Variants in VEZT observed in about 807,000 individuals in gnomAD.
VEZT encodes vezatin, adherens junctions transmembrane protein, also known as vezatin.
VEZT carries 39 observed loss-of-function variants against 79.9 expected under a neutral mutation model. The observed-to-expected ratio is 0.49, with a 90% CI of 0.38 to 0.64. The LOEUF (loss-of-function observed/expected upper bound fraction) is 0.64. Ranked by LOEUF, VEZT falls within the 30% of genes least tolerant of loss-of-function variation. The probability of loss-of-function intolerance (pLI) is 0.00; values close to 1 mark genes in which losing one functional copy is unlikely to be tolerated. For synonymous variants in VEZT, 325 were observed against 327.6 expected, an observed-to-expected ratio of 0.99 and a Z score of 0.09; for missense variants, 837 against 893.1, an observed-to-expected ratio of 0.94 and a Z score of 0.80.
chr12:95,240,175 G>A (rs547448958), intron 1 of VEZT, among the ~76,000 whole-genome samples: 161 of 152,216 alleles, frequency 1.1e-3, no homozygotes, highest in African/African-American at 3.9e-3. Flanking sequence ...GCTGGATTGT[G>A]GACCTGTAGT....
chr12:95,239,206 A>G (rs2060570486), intron 1 of VEZT, among the ~76,000 whole-genome samples: 1 of 152,228 alleles, frequency 6.6e-6, no homozygotes, highest in African/African-American at 2.4e-5. Context: ...TTAGTATAAA[A>G]GTAGCAAGGC....
At chr12:95,225,630 T>TA (rs2058323716) in intron 1 of VEZT, among the ~76,000 whole-genome samples, 1 of 151,980 alleles carries the variant, frequency 6.6e-6, no homozygotes, top group South Asian at 2.1e-4. Context: ...AACAAAGTGA[T>TA]ACCTTGGTAT....
intron 3 of VEZT, among the ~76,000 whole-genome samples, chr12:95,259,951 G>A (rs771958303): frequency 4.6e-5 from 7 of 152,010 alleles, no homozygotes; most frequent in African/African-American, 9.7e-5. Flanking sequence ...AATTTAAACC[G>A]TTATAATAAT....
At chr12:95,224,227 C>T (rs370074956) in intron 1 of VEZT, 16 of 455,950 alleles carry the variant, frequency 3.5e-5, no homozygotes, top group East Asian at 1.4e-4. Flanking sequence ...GAGGAAAGAG[C>T]GCCAGAGAGG....
chr12:95,261,306 A>T (rs2064442184), intron 3 of VEZT, among the ~76,000 whole-genome samples: 1 of 152,124 alleles, frequency 6.6e-6, no homozygotes, highest in African/African-American at 2.4e-5. Context: ...TAGACCTAAC[A>T]GGTTTTACTT....
chr12:95,286,084 C>A (rs893067393), intron 8 of VEZT, among the ~76,000 whole-genome samples: 2 of 148,918 alleles, frequency 1.3e-5, no homozygotes, highest in Admixed American at 1.4e-4. Flanking sequence ...CCTCTGCCTC[C>A]CACATTCAAG....
intron 10 of VEZT, 80 bp from the exon 11 acceptor site, chr12:95,295,971 T>C (rs2074055465): frequency 2.9e-6 from 3 of 1,044,206 alleles, no homozygotes; most frequent in South Asian, 3.6e-5. Context: ...ATCTCAGAGA[T>C]AAGTAAGTGC....
At chr12:95,288,633 A>G (rs549670440) in intron 9 of VEZT, among the ~76,000 whole-genome samples, 1 of 152,346 alleles carries the variant, frequency 6.6e-6, no homozygotes, top group Admixed American at 6.5e-5. Flanking sequence ...TAGATTTGTA[A>G]TAATTTCTTT....
intron 11 of VEZT, among the ~76,000 whole-genome samples, chr12:95,298,501 T>C (rs911720142): frequency 1.3e-5 from 2 of 152,222 alleles, no homozygotes; most frequent in South Asian, 4.1e-4. Context: ...ATTACAGTCT[T>C]CTTAAATAGG....
rs547144016 is a variant in VEZT at position 95,242,583 on chromosome 12, A to G, written c.37-9357A>G. ...CTACGTGTGGAGTGTTTTAAAATCT[A>G]ATAAAATGGGCCGGGCGTGGTGGCT... is the stretch of plus-strand genomic sequence containing the variant. On this transcript the variant is annotated intron_variant, in intron 1 of 11. Transcript: ENST00000436874. Among the ~76,000 whole-genome samples, 8 of 152,210 alleles carry G rather than the reference A, an allele frequency of 5.3e-5. No individual in the cohort carries two copies. In the South Asian group the frequency reaches 1.2e-3, roughly 24 times the overall value.
chr12:95,240,073 G>GAAGGAAGGAAGGAAGGAAGGAAGGAAAGA (rs1491323550), intron 1 of VEZT, among the ~76,000 whole-genome samples: 9 of 98,992 alleles, frequency 9.1e-5, no homozygotes, highest in East Asian at 2.7e-4. Flanking sequence ...AGGAAGGAAG[G>GAAGGAAGGAAGGAAGGAAGGAAGGAAAGA]AAGAAAAGAA....
intron 2 of VEZT, among the ~76,000 whole-genome samples, chr12:95,256,049 T>G (rs74238577): frequency 6.6e-6 from 1 of 151,966 alleles, no homozygotes; most frequent in East Asian, 1.9e-4. Flanking sequence ...TTGACTGAAG[T>G]GATCTTCTCT....
intron 4 of VEZT, 137 bp downstream of exon 4, chr12:95,263,218 G>A: frequency 1.2e-6 from 1 of 842,148 alleles, no homozygotes; most frequent in Non-Finnish European, 1.7e-6. Context: ...ACAATATGGG[G>A]GGAAAAAGTG....
Position 95,287,786 on chromosome 12 carries a change from C to G in VEZT, c.1451C>G (p.Ala484Gly), listed in dbSNP as rs2071371689. The stretch of plus-strand genomic sequence containing the variant: ...AAGTTGATTCAGCCCCACGTTCAAG[C>G]AAGCAACAATTGCTGGGAAGAGGCC... ...KLKLIQPHVQ[A>G]SNNCWEEAIS... The change falls in exon 9 of 12, where the codon GCA (alanine) becomes GGA (glycine). Residue 484 changes from alanine to glycine, a missense_variant. Ala to Gly is a moderately conservative substitution (Grantham distance 60). Transcript: ENST00000436874. The G allele has an allele frequency of 6.2e-7, 1 of 1,608,438 alleles. No homozygotes were observed. The highest frequency in any genetic ancestry group is 8.5e-7 in the Non-Finnish European group (1 of 1,177,198).
At position 95,294,812 on chromosome 12, in the gene VEZT, A is replaced by T. The variant is rs986563525; in HGVS notation, c.1623+440A>T. Among the ~76,000 whole-genome samples, 4 of 152,182 alleles carry T rather than the reference A, an allele frequency of 2.6e-5. No homozygotes were observed. In the East Asian group the frequency reaches 7.7e-4, roughly 29 times the overall value. ...AAACCTCTTTTCCTTAGGTCATATT[A>T]TCTATTCAGTATTTTTTTTCCGTGT... On this transcript the variant is annotated intron_variant, in intron 10 of 11. Transcript: ENST00000436874.
At chr12:95,232,520 C>A (rs4762302) in intron 1 of VEZT, among the ~76,000 whole-genome samples, 16,856 of 152,220 alleles carry the variant, frequency 0.11, 1,022 homozygotes, top group East Asian at 0.25. Context: ...AACAAAATTA[C>A]TTCTCAAACA....
At chr12:95,265,811 C>A (rs1478511253) in intron 4 of VEZT, among the ~76,000 whole-genome samples, 5 of 151,850 alleles carry the variant, frequency 3.3e-5, no homozygotes, top group Non-Finnish European at 7.4e-5. Flanking sequence ...TAAGATGACA[C>A]CAGGCAAAAA....
At chr12:95,286,482 A>C (rs1461923435) in intron 8 of VEZT, 1 of 552,962 alleles carries the variant, frequency 1.8e-6, no homozygotes, top group Admixed American at 2.0e-5. Context: ...TTATTCTTTC[A>C]GGATCAAGAC....
In VEZT at chr12:95,282,409, A is replaced by T; in HGVS notation, c.1093A>T (p.Thr365Ser). The change falls in exon 8 of 12, where the codon ACT (threonine) becomes TCT (serine). Residue 365 changes from threonine (T) to serine (S), a missense_variant. By Grantham distance (58) the Thr-to-Ser change is moderately conservative (BLOSUM62 1). Transcript: ENST00000436874. Reference sequence around the variant, plus strand: ...CAATTCACCTCCTGGGCCCTTACTTACTCCAGCACTTCTGCCTCATCGTAT... The same window carrying T: ...CAATTCACCTCCTGGGCCCTTACTTTCTCCAGCACTTCTGCCTCATCGTAT... ...TANSPPGPLL[T>S]PALLPHRILS... 1 of 1,613,436 alleles carries T rather than the reference A, an allele frequency of 6.2e-7. No homozygotes were observed. The highest frequency in any genetic ancestry group is 8.5e-7 in the Non-Finnish European group (1 of 1,179,776).
Sources: allele counts gnomAD v4.1 joint callset (sites outside exome capture counted in the v4.1 genomes callset), GRCh38; gene constraint gnomAD v4.1.1; transcripts MANE v1.5; gene names NCBI Gene and HGNC (gene_info 2026-07-23, HGNC 2026-07-21).